The following UVRAG variants were observed in gnomAD, a reference collection of about 807,000 sequenced individuals.
The protein encoded by UVRAG is UV radiation resistance-associated gene protein.
UVRAG carries 19 observed loss-of-function variants against 78.0 expected under a neutral mutation model. The observed-to-expected ratio is 0.24, with a 90% confidence interval of 0.17 to 0.36. The LOEUF (loss-of-function observed/expected upper bound fraction) is 0.36, where lower values mean the gene tolerates loss of function less well. UVRAG is among the 10% of genes least tolerant of loss of function. The probability of loss-of-function intolerance (pLI) is 1.00; values close to 1 mark genes in which losing one functional copy is unlikely to be tolerated. For missense variants in UVRAG, 740 were observed against 853.8 expected, an observed-to-expected ratio of 0.87 and a Z score of 1.66; for synonymous variants, 323 against 324.6, an observed-to-expected ratio of 1.00 and a Z score of 0.05.
At chr11:76,058,789 T>C (rs934522648) in intron 12 of UVRAG, among the ~76,000 whole-genome samples, 3 of 152,204 alleles carry the variant, frequency 2.0e-5, no homozygotes, top group South Asian at 4.1e-4. Context: ...AGGAGAATCA[T>C]TGAGTCCTGG....
intron 7 of UVRAG, among the ~76,000 whole-genome samples, chr11:75,966,535 G>A (rs551548011): frequency 5.3e-5 from 8 of 151,866 alleles, no homozygotes; most frequent in Non-Finnish European, 1.0e-4. Context: ...AATTTTTGTC[G>A]ACATATATGT....
intron 13 of UVRAG, among the ~76,000 whole-genome samples, chr11:76,084,788 G>A (rs1297424332): frequency 2.0e-5 from 3 of 152,032 alleles, no homozygotes; most frequent in East Asian, 3.9e-4. Flanking sequence ...CTGGCCAGTC[G>A]CAGTGGCTCA....
chr11:76,029,276 T>C (rs1950391240), intron 12 of UVRAG, among the ~76,000 whole-genome samples: 1 of 152,196 alleles, frequency 6.6e-6, no homozygotes, highest in Admixed American at 6.5e-5. Flanking sequence ...CCACAAGTGC[T>C]GAATGGAAGT....
At chr11:75,850,684 G>T (rs969954332) in intron 1 of UVRAG, among the ~76,000 whole-genome samples, 3 of 152,198 alleles carry the variant, frequency 2.0e-5, no homozygotes, top group Non-Finnish European at 2.9e-5. Context: ...TTGACTGAAA[G>T]GGCTAATGAA....
intron 13 of UVRAG, among the ~76,000 whole-genome samples, chr11:76,093,993 G>A (rs1478500780): frequency 6.6e-6 from 1 of 152,152 alleles, no homozygotes. Context: ...TTGGCTGTGG[G>A]TTTGTCATAA....
Position 75,859,118 on chromosome 11 carries a change from T to C in UVRAG, c.236-2628T>C, listed in dbSNP as rs1004480479. On this transcript the variant is annotated intron_variant, in intron 2 of 14. Coordinates refer to ENST00000356136, the MANE Select transcript of UVRAG (RefSeq NM_003369.4). ...GGCTGGGTGTGGTGGCTCACGCCTGTAATCCCAGCACTTTGGGAGGCCGAG... is the reference window on the plus strand; with the variant it reads ...GGCTGGGTGTGGTGGCTCACGCCTGCAATCCCAGCACTTTGGGAGGCCGAG... 2.6e-5 allele frequency among the ~76,000 whole-genome samples: 4 copies of C among 152,242 alleles called. No individual in the cohort carries two copies. The East Asian group carries it at 7.7e-4, about 29-fold the overall frequency.
intron 14 of UVRAG, among the ~76,000 whole-genome samples, chr11:76,129,157 C>T (rs1775171515): frequency 6.6e-6 from 1 of 152,208 alleles, no homozygotes; most frequent in African/African-American, 2.4e-5. Flanking sequence ...CTTAATGTGA[C>T]ACAGCCATCA....
chr11:75,907,386 A>G (rs1440090789), intron 5 of UVRAG, among the ~76,000 whole-genome samples: 2 of 145,712 alleles, frequency 1.4e-5, no homozygotes, highest in African/African-American at 2.6e-5. Flanking sequence ...ATTCCTTTCT[A>G]TTCCTAGTTT....
At chr11:76,042,472 C>T (rs1950666668) in intron 12 of UVRAG, among the ~76,000 whole-genome samples, 1 of 152,154 alleles carries the variant, frequency 6.6e-6, no homozygotes, top group African/African-American at 2.4e-5. Flanking sequence ...CAAGAGGTCC[C>T]TATTGTTAGT....
intron 1 of UVRAG, among the ~76,000 whole-genome samples, chr11:75,838,457 C>T (rs1945833367): frequency 6.6e-6 from 1 of 152,074 alleles, no homozygotes; most frequent in African/African-American, 2.4e-5. Context: ...CCCACCTCAG[C>T]CTCCCAAGTA....
intron 9 of UVRAG, among the ~76,000 whole-genome samples, chr11:76,006,805 A>G (rs11236597): frequency 0.06 from 9,101 of 152,042 alleles, 392 homozygotes; most frequent in East Asian, 0.24. Flanking sequence ...AGTGAAATAT[A>G]GAATACTTTT....
At chr11:76,004,990 C>T (rs1430790874) in intron 9 of UVRAG, among the ~76,000 whole-genome samples, 1 of 152,102 alleles carries the variant, frequency 6.6e-6, no homozygotes, top group Non-Finnish European at 1.5e-5. Context: ...ACTTGCTTTT[C>T]CTGGAAAATC....
chr11:76,014,431 G>A (rs1488418946), intron 11 of UVRAG, among the ~76,000 whole-genome samples: 1 of 152,198 alleles, frequency 6.6e-6, no homozygotes, highest in Non-Finnish European at 1.5e-5. Context: ...TTGCAACTTA[G>A]CATAGTATTA....
chr11:76,036,058 C>T (rs1443802723), intron 12 of UVRAG, among the ~76,000 whole-genome samples: 1 of 152,006 alleles, frequency 6.6e-6, no homozygotes, highest in African/African-American at 2.4e-5. Flanking sequence ...AGTAAAGGCT[C>T]GATAATTGAC....
intron 6 of UVRAG, among the ~76,000 whole-genome samples, chr11:75,926,831 A>G (rs1448113932): frequency 2.6e-5 from 4 of 152,090 alleles, no homozygotes; most frequent in Non-Finnish European, 5.9e-5. Flanking sequence ...GACTTTGGGG[A>G]TATAGTTGCC....
chr11:75,894,263 TA>T (rs1947289988), intron 5 of UVRAG, among the ~76,000 whole-genome samples: 1 of 151,986 alleles, frequency 6.6e-6, no homozygotes, highest in South Asian at 2.1e-4. Flanking sequence ...AAAGTGAGGG[TA>T]AAAGTTTCAA....
At chr11:75,928,391 G>C (rs543261752) in intron 6 of UVRAG, among the ~76,000 whole-genome samples, 4 of 152,260 alleles carry the variant, frequency 2.6e-5, no homozygotes, top group African/African-American at 9.6e-5. Context: ...CGGCTAATGA[G>C]GTTGTGGAAA....
chr11:76,115,191 A>G (rs1952154477), intron 13 of UVRAG, among the ~76,000 whole-genome samples: 1 of 152,210 alleles, frequency 6.6e-6, no homozygotes, highest in African/African-American at 2.4e-5. Context: ...CAACTTATCC[A>G]GAGTACTCAG....
chr11:76,011,912 A>C (rs186966906), intron 11 of UVRAG, among the ~76,000 whole-genome samples: 1 of 152,368 alleles, frequency 6.6e-6, no homozygotes, highest in Admixed American at 6.5e-5. Context: ...CACTTCTATC[A>C]GGAGCGATCA....
Sources: allele counts gnomAD v4.1 joint callset (sites outside exome capture counted in the v4.1 genomes callset), GRCh38; gene constraint gnomAD v4.1.1; transcripts MANE v1.5; gene names NCBI Gene and HGNC (gene_info 2026-07-23, HGNC 2026-07-21).